The following CPA6 variants were observed in gnomAD, a reference collection of about 807,000 sequenced individuals.
The protein encoded by CPA6 is carboxypeptidase A6, also known as carboxypeptidase B.
Under a neutral mutation model 63.3 loss-of-function variants are expected in CPA6, and 58 were observed. The ratio of observed to expected loss-of-function variants is 0.92; its 90% CI spans 0.74 to 1.14. CPA6 has a LOEUF of 1.14. Among genes scored for constraint, CPA6 ranks in the 50% most tolerant of loss-of-function variants. The pLI, the probability that CPA6 is intolerant of heterozygous loss-of-function variation, is 0.00. For missense variants in CPA6, 565 were observed against 526.6 expected (o/e 1.07, Z -0.71); for synonymous variants, 185 against 179.0 (o/e 1.03, Z -0.27).
At chr8:67,662,764 A>G (rs1463482024) in intron 1 of CPA6, among the ~76,000 whole-genome samples, 2 of 152,036 alleles carry the variant, frequency 1.3e-5, no homozygotes, top group Non-Finnish European at 2.9e-5. Context: ...TGTTGTTTTA[A>G]TGTGTGTATC....
intron 1 of CPA6, among the ~76,000 whole-genome samples, chr8:67,693,049 T>C (rs1816845453): frequency 6.6e-6 from 1 of 152,192 alleles, no homozygotes; most frequent in Non-Finnish European, 1.5e-5. Flanking sequence ...GTAGCTATTG[T>C]ACATCACTAG....
Position 67,624,191 on chromosome 8 carries a change from T to C in CPA6, c.177A>G (p.Ile59Met), listed in dbSNP as rs768423117. 1.9e-6 allele frequency: 3 copies of C among 1,547,642 alleles called. No individual in the cohort carries two copies. The highest frequency in any genetic ancestry group is 1.8e-6 in the Non-Finnish European group (2 of 1,121,570). ...TEEEAYALKK[I>M]SYQLKVDLWQ... is the part of the protein sequence containing the mutation. ...GTTCTATTACCTTAAGTTGATAGGA[T>C]ATTTTCTTCAGTGCATATGCTTCCT... is the stretch of plus-strand genomic sequence containing the variant. Residue 59 changes from isoleucine (I) to methionine (M), a missense_variant, in exon 2 of 11, where the codon ATA becomes ATG. By Grantham distance (10) the Ile-to-Met change is conservative (BLOSUM62 1). Coordinates refer to ENST00000297770, the MANE Select transcript of CPA6 (RefSeq NM_020361.5).
At chr8:67,468,667 G>A (rs902314531) in intron 8 of CPA6, among the ~76,000 whole-genome samples, 1 of 151,470 alleles carries the variant, frequency 6.6e-6, no homozygotes, top group African/African-American at 2.4e-5. Flanking sequence ...CCTGTAAGTG[G>A]GCAATAACCT....
rs541399553 is a variant in CPA6, at chr8:67,741,913, C to T, written c.116+4101G>A. On this transcript the variant is annotated intron_variant, in intron 1 of 10. Coordinates refer to ENST00000297770, the MANE Select transcript of CPA6 (RefSeq NM_020361.5). ...ACAACCGTAGAAAAATTGTCTTCCACAAAACCAGTCCCTGTTGCCAAAAAG... is the reference window on the plus strand; with the variant it reads ...ACAACCGTAGAAAAATTGTCTTCCATAAAACCAGTCCCTGTTGCCAAAAAG... 9.2e-5 allele frequency among the ~76,000 whole-genome samples: 14 copies of T among 152,292 alleles called. No homozygotes were observed. In the East Asian group the frequency reaches 2.7e-3, roughly 29 times the overall value.
Position 67,422,221 on chromosome 8 carries a change from A to T in CPA6, c.*283T>A, listed in dbSNP as rs139577347. ...GAAGGGAAATCCTCAATTAATATGAACATTTCTTGAGAAATGGGAAATTTG... is the reference window on the plus strand; with the variant it reads ...GAAGGGAAATCCTCAATTAATATGATCATTTCTTGAGAAATGGGAAATTTG... On this transcript the variant is annotated 3_prime_UTR_variant, in exon 11 of 11. Coordinates refer to ENST00000297770, the MANE Select transcript of CPA6 (RefSeq NM_020361.5). 9 of 286,222 alleles carry T rather than the reference A, an allele frequency of 3.1e-5. No homozygotes were observed. The East Asian group carries it at 4.8e-4, about 15-fold the overall frequency. 17.7% of individuals were successfully genotyped at this position (286,222 alleles called of 1,614,324 possible).
intron 1 of CPA6, among the ~76,000 whole-genome samples, chr8:67,703,882 G>C (rs1019673545): frequency 6.6e-6 from 1 of 152,116 alleles, no homozygotes; most frequent in Non-Finnish European, 1.5e-5. Context: ...TGCCTGCATA[G>C]GGCCTAACTC....
intron 1 of CPA6, among the ~76,000 whole-genome samples, chr8:67,703,806 T>C (rs1399911069): frequency 1.3e-5 from 2 of 152,354 alleles, no homozygotes; most frequent in African/African-American, 4.8e-5. Context: ...TGACTTTCCA[T>C]ACACTTTTAT....
chr8:67,466,596 G>A (rs187468614), intron 8 of CPA6, among the ~76,000 whole-genome samples: 35 of 152,278 alleles, frequency 2.3e-4, no homozygotes, highest in African/African-American at 8.2e-4. Context: ...TAGGCATTTA[G>A]CACTATAAAC....
chr8:67,655,369 A>G (rs1007860829), intron 1 of CPA6, among the ~76,000 whole-genome samples: 13 of 152,124 alleles, frequency 8.5e-5, no homozygotes, highest in African/African-American at 2.4e-4. Flanking sequence ...GTGATTTCAT[A>G]TACTCTAATG....
chr8:67,458,964 A>G (rs769252978), intron 8 of CPA6, among the ~76,000 whole-genome samples: 3 of 152,206 alleles, frequency 2.0e-5, no homozygotes, highest in Non-Finnish European at 4.4e-5. Context: ...TTGTGCAGCC[A>G]CTTTGAAAGA....
chr8:67,660,075 A>G (rs1478417035), intron 1 of CPA6, among the ~76,000 whole-genome samples: 2 of 152,222 alleles, frequency 1.3e-5, no homozygotes, highest in African/African-American at 4.8e-5. Context: ...GTTCAGAATC[A>G]GCAAAAGCAA....
chr8:67,466,897 G>A (rs1002162755), intron 8 of CPA6, among the ~76,000 whole-genome samples: 5 of 152,102 alleles, frequency 3.3e-5, no homozygotes, highest in Admixed American at 1.3e-4. Context: ...TATCTGTCAC[G>A]TATAAATATA....
intron 2 of CPA6, among the ~76,000 whole-genome samples, chr8:67,615,415 G>C (rs1396784287): frequency 6.6e-6 from 1 of 152,066 alleles, no homozygotes; most frequent in Non-Finnish European, 1.5e-5. Flanking sequence ...CTTTAAAAGT[G>C]GAAATGGTTA....
At chr8:67,674,876 A>G (rs1276368760) in intron 1 of CPA6, among the ~76,000 whole-genome samples, 2 of 152,194 alleles carry the variant, frequency 1.3e-5, no homozygotes, top group South Asian at 2.1e-4. Flanking sequence ...TTGCAGCAAC[A>G]TGGATGGAGC....
At chr8:67,698,521 TG>T (rs1816954993) in intron 1 of CPA6, among the ~76,000 whole-genome samples, 2 of 152,244 alleles carry the variant, frequency 1.3e-5, no homozygotes, top group African/African-American at 4.8e-5. Flanking sequence ...CAAGAAAGTT[TG>T]GGAACACATT....
Position 67,441,583 on chromosome 8 carries a change from A to G in CPA6, c.839-7343T>C, listed in dbSNP as rs539096578. On this transcript the variant is annotated intron_variant, in intron 8 of 10. Coordinates refer to ENST00000297770, the MANE Select transcript of CPA6 (RefSeq NM_020361.5). Reference sequence around the variant, plus strand: ...GGCTTATCCTACCAGGTATTAAAACATACATAGGTATAATCATAGAAACAA... The same window carrying G: ...GGCTTATCCTACCAGGTATTAAAACGTACATAGGTATAATCATAGAAACAA... Among the ~76,000 whole-genome samples the G allele has an allele frequency of 3.3e-5, 5 of 152,340 alleles. No homozygotes were observed. The South Asian group carries it at 6.2e-4, about 19-fold the overall frequency.
intron 6 of CPA6, among the ~76,000 whole-genome samples, chr8:67,485,480 TGTAA>T (rs1057131112): frequency 2.0e-5 from 3 of 152,212 alleles, no homozygotes; most frequent in Non-Finnish European, 2.9e-5. Context: ...TAACATTATA[TGTAA>T]GTGAGATATG....
At chr8:67,523,491 T>C (rs1394143298) in intron 2 of CPA6, among the ~76,000 whole-genome samples, 1 of 152,154 alleles carries the variant, frequency 6.6e-6, no homozygotes, top group African/African-American at 2.4e-5. Flanking sequence ...ATGGTGCCGC[T>C]GCACTCCAGC....
chr8:67,424,065 T>C (rs1372319618), intron 10 of CPA6, among the ~76,000 whole-genome samples: 1 of 152,196 alleles, frequency 6.6e-6, no homozygotes, highest in African/African-American at 2.4e-5. Flanking sequence ...GGACAGCACA[T>C]GCGAGGGATC....
Sources: gnomAD v4.1 joint callset for allele counts (sites outside exome capture counted in the v4.1 genomes callset) on GRCh38, gnomAD v4.1.1 for gene constraint, MANE v1.5 for transcripts, NCBI Gene and HGNC (gene_info 2026-07-23, HGNC 2026-07-21) for gene names.